Variants in DOK6 observed in about 807,000 individuals in gnomAD.
DOK6 encodes the protein docking protein 6.
Under a neutral mutation model 44.0 loss-of-function variants are expected in DOK6, and 22 were observed. The ratio of observed to expected loss-of-function variants is 0.50; its 90% confidence interval spans 0.36 to 0.71. The LOEUF (loss-of-function observed/expected upper bound fraction) is 0.71. Among genes scored for constraint, DOK6 ranks in the 30% least tolerant of loss-of-function variants. The pLI is 0.00. For synonymous variants in DOK6, 166 were observed against 145.5 expected, an observed-to-expected ratio of 1.14 and a Z score of -1.01; for missense variants, 340 against 416.4, an observed-to-expected ratio of 0.82 and a Z score of 1.60.
intron 1 of DOK6, among the ~76,000 whole-genome samples, chr18:69,528,055 C>A (rs1981882682): frequency 6.6e-6 from 1 of 150,426 alleles, no homozygotes; most frequent in Non-Finnish European, 1.5e-5. Context: ...CCCAGCTACT[C>A]AGGAGGCTGA....
intron 1 of DOK6, among the ~76,000 whole-genome samples, chr18:69,475,188 C>T (rs1052298060): frequency 6.6e-6 from 1 of 152,062 alleles, no homozygotes; most frequent in Non-Finnish European, 1.5e-5. Context: ...TAACATATTC[C>T]ACCATATTGG....
chr18:69,517,785 G>A (rs1038955141), intron 1 of DOK6, among the ~76,000 whole-genome samples: 3 of 151,030 alleles, frequency 2.0e-5, no homozygotes, highest in Non-Finnish European at 2.9e-5. Flanking sequence ...GTTCCAAGCA[G>A]CAAATGACGT....
chr18:69,791,629 A>G (rs1301202543), intron 7 of DOK6, among the ~76,000 whole-genome samples: 1 of 151,990 alleles, frequency 6.6e-6, no homozygotes, highest in African/African-American at 2.4e-5. Context: ...GAGTTCTTTG[A>G]GCTCCTGATA....
intron 1 of DOK6, among the ~76,000 whole-genome samples, chr18:69,452,354 C>G: frequency 6.6e-6 from 1 of 150,774 alleles, no homozygotes; most frequent in Non-Finnish European, 1.5e-5. Context: ...TCTCCCAAGA[C>G]TAAACCAGGA....
intron 7 of DOK6, among the ~76,000 whole-genome samples, chr18:69,795,298 T>C (rs1473478589): frequency 6.6e-6 from 1 of 152,130 alleles, no homozygotes; most frequent in Non-Finnish European, 1.5e-5. Context: ...CACCAGACGA[T>C]GGCAAAGGCT....
chr18:69,605,304 C>T (rs1476683407), intron 3 of DOK6, among the ~76,000 whole-genome samples: 1 of 152,144 alleles, frequency 6.6e-6, no homozygotes, highest in East Asian at 1.9e-4. Context: ...GTCCTCCCTG[C>T]AGCCCCATGC....
chr18:69,432,608 A>G (rs1171289833), intron 1 of DOK6, among the ~76,000 whole-genome samples: 2 of 152,202 alleles, frequency 1.3e-5, no homozygotes, highest in Admixed American at 1.3e-4. Context: ...CTGTATTTCA[A>G]CAAGGTTTCA....
At chr18:69,627,563 T>C (rs1265773207) in intron 3 of DOK6, among the ~76,000 whole-genome samples, 2 of 152,094 alleles carry the variant, frequency 1.3e-5, no homozygotes, top group Admixed American at 6.5e-5. Flanking sequence ...ATTCTCCTGC[T>C]TCGGCCTCCC....
At chr18:69,518,158 T>C (rs1160339959) in intron 1 of DOK6, among the ~76,000 whole-genome samples, 2 of 152,338 alleles carry the variant, frequency 1.3e-5, no homozygotes, top group East Asian at 1.9e-4. Flanking sequence ...TGGGAAAGCA[T>C]TGCCGGTCTG....
intron 3 of DOK6, among the ~76,000 whole-genome samples, chr18:69,606,109 T>C (rs979610934): frequency 5.9e-5 from 9 of 151,554 alleles, no homozygotes; most frequent in African/African-American, 2.2e-4. Context: ...CTGTCTCTAC[T>C]AAAATACAAA....
chr18:69,626,401 C>G (rs554855929), intron 3 of DOK6, among the ~76,000 whole-genome samples: 1 of 152,274 alleles, frequency 6.6e-6, no homozygotes, highest in Admixed American at 6.5e-5. Context: ...ATATATTCAC[C>G]TTTCTTCATT....
At chr18:69,640,767 A>G (rs996305335) in intron 3 of DOK6, among the ~76,000 whole-genome samples, 1 of 152,196 alleles carries the variant, frequency 6.6e-6, no homozygotes, top group African/African-American at 2.4e-5. Flanking sequence ...AAAACTATTT[A>G]GCAATCTGAT....
At chr18:69,432,688 G>A (rs1213223162) in intron 1 of DOK6, among the ~76,000 whole-genome samples, 2 of 152,090 alleles carry the variant, frequency 1.3e-5, no homozygotes, top group African/African-American at 4.8e-5. Context: ...TGATACATTT[G>A]GTGGTGTTAC....
intron 2 of DOK6, among the ~76,000 whole-genome samples, chr18:69,569,129 T>C (rs910041565): frequency 6.6e-6 from 1 of 151,942 alleles, no homozygotes; most frequent in Non-Finnish European, 1.5e-5. Context: ...AACTGCTGAC[T>C]AAAACAACCA....
intron 7 of DOK6, among the ~76,000 whole-genome samples, chr18:69,785,540 C>T (rs2145093184): frequency 6.6e-6 from 1 of 152,190 alleles, no homozygotes; most frequent in Middle Eastern, 3.4e-3. Flanking sequence ...TAAATCAAGG[C>T]AGGTTTTTTT....
intron 1 of DOK6, among the ~76,000 whole-genome samples, chr18:69,487,430 CT>C (rs1980615168): frequency 6.6e-6 from 1 of 152,144 alleles, no homozygotes; most frequent in Non-Finnish European, 1.5e-5. Flanking sequence ...GGGGCAAAAT[CT>C]GCCCCCAGTG....
chr18:69,444,179 T>C, intron 1 of DOK6, among the ~76,000 whole-genome samples: 1 of 152,102 alleles, frequency 6.6e-6, no homozygotes, highest in East Asian at 1.9e-4. Context: ...TCATGGAGGA[T>C]CAAGTACAGT....
chr18:69,642,647 G>T (rs542305192), intron 3 of DOK6, among the ~76,000 whole-genome samples: 3 of 151,674 alleles, frequency 2.0e-5, no homozygotes, highest in South Asian at 2.1e-4. Flanking sequence ...TTAGAAACTT[G>T]TCTCTTATAA....
At chr18:69,482,578 C>T (rs1269008635) in intron 1 of DOK6, among the ~76,000 whole-genome samples, 1 of 151,974 alleles carries the variant, frequency 6.6e-6, no homozygotes, top group Non-Finnish European at 1.5e-5. Context: ...TGAAGCTGCC[C>T]ATTACCAAAG....
Sources: gnomAD v4.1 joint callset for allele counts (sites outside exome capture counted in the v4.1 genomes callset) on GRCh38, gnomAD v4.1.1 for gene constraint, MANE v1.5 for transcripts, NCBI Gene and HGNC (gene_info 2026-07-23, HGNC 2026-07-21) for gene names.